The following MARCHF1 variants were observed in gnomAD, a reference collection of about 807,000 sequenced individuals.
MARCHF1 encodes membrane associated ring-CH-type finger 1.
Under a neutral mutation model 54.2 loss-of-function variants are expected in MARCHF1, and 40 were observed. The ratio of observed to expected loss-of-function variants is 0.74; its 90% CI spans 0.57 to 0.96. The LOEUF (loss-of-function observed/expected upper bound fraction) is 0.96. MARCHF1 is among the 40% of genes least tolerant of loss of function. The probability of loss-of-function intolerance (pLI) is 0.00; values close to 1 mark genes in which losing one functional copy is unlikely to be tolerated. For missense variants in MARCHF1, 586 were observed against 656.5 expected (o/e 0.89, Z 1.17); for synonymous variants, 236 against 236.3 (o/e 1.00, Z 0.01).
chr4:163,704,900 T>C (rs1458966285), intron 4 of MARCHF1, among the ~76,000 whole-genome samples: 3 of 151,372 alleles, frequency 2.0e-5, no homozygotes, highest in Non-Finnish European at 4.4e-5. Flanking sequence ...TAGATGAACT[T>C]CCCATAAGAC....
chr4:163,875,677 A>G (rs1316086902), intron 3 of MARCHF1, among the ~76,000 whole-genome samples: 1 of 152,312 alleles, frequency 6.6e-6, no homozygotes, highest in East Asian at 1.9e-4. Flanking sequence ...CCATGTTTAA[A>G]CCAAACTATA....
At chr4:164,190,374 G>T in intron 1 of MARCHF1, 1 of 533,784 alleles carries the variant, frequency 1.9e-6, no homozygotes, top group South Asian at 3.4e-5. Context: ...GTAAATACTG[G>T]ACTCAGGAAC....
At chr4:164,012,579 C>T (rs1753446631) in intron 2 of MARCHF1, among the ~76,000 whole-genome samples, 1 of 152,048 alleles carries the variant, frequency 6.6e-6, no homozygotes, top group Non-Finnish European at 1.5e-5. Context: ...GGGTGAGTCC[C>T]AGTATTTTGC....
chr4:163,613,111 A>G (rs1741401569), intron 6 of MARCHF1, 73 bp from the exon 7 acceptor site: 5 of 1,345,360 alleles, frequency 3.7e-6, no homozygotes, highest in Non-Finnish European at 4.9e-6. Context: ...GAGAGAGAGA[A>G]TGATGAAAAT....
chr4:163,908,546 G>A (rs1261723548), intron 3 of MARCHF1, among the ~76,000 whole-genome samples: 8 of 152,150 alleles, frequency 5.3e-5, no homozygotes, highest in African/African-American at 1.9e-4. Context: ...GATATATCCT[G>A]TAGGTGGACA....
intron 5 of MARCHF1, among the ~76,000 whole-genome samples, chr4:163,658,832 C>T (rs1302688898): frequency 6.6e-6 from 1 of 151,902 alleles, no homozygotes; most frequent in African/African-American, 2.4e-5. Flanking sequence ...GGAAAAATAA[C>T]TAATGTGTGC....
At chr4:163,903,310 G>C (rs527549579) in intron 3 of MARCHF1, among the ~76,000 whole-genome samples, 1 of 152,042 alleles carries the variant, frequency 6.6e-6, no homozygotes, top group Non-Finnish European at 1.5e-5. Context: ...TTCTAGTGCA[G>C]CCTTGGAAAT....
chr4:163,893,191 A>T (rs1037338492), intron 3 of MARCHF1, among the ~76,000 whole-genome samples: 1 of 151,832 alleles, frequency 6.6e-6, no homozygotes, highest in Non-Finnish European at 1.5e-5. Flanking sequence ...CCAGGCTGGG[A>T]TGCAGTGGCG....
chr4:163,576,550 A>G lies in MARCHF1; in HGVS notation c.1191+9199T>C, dbSNP rs996827280. Among the ~76,000 whole-genome samples, 13 of 152,158 alleles carry G rather than the reference A, an allele frequency of 8.5e-5. 1 individual carries two copies. Among genetic ancestry groups the G allele is most frequent in the Non-Finnish European group, 4.4e-5 (3 of 67,942 alleles). ...TGAATAGAGTGCTCTGTAGATGTCT[A>G]TTTGGTCCAATTGGTCAAGTGTCAA... is the stretch of plus-strand genomic sequence containing the variant. On this transcript the variant is annotated intron_variant, in intron 8 of 9. Transcript: ENST00000514618.
chr4:164,054,832 G>T, intron 2 of MARCHF1, among the ~76,000 whole-genome samples: 1 of 149,664 alleles, frequency 6.7e-6, no homozygotes, highest in African/African-American at 2.5e-5. Flanking sequence ...AATGCTAGAT[G>T]ACGAGTTAGT....
intron 8 of MARCHF1, among the ~76,000 whole-genome samples, chr4:163,557,402 A>G (rs753682016): frequency 2.0e-5 from 3 of 152,212 alleles, no homozygotes; most frequent in Non-Finnish European, 4.4e-5. Flanking sequence ...AACCAAAGAA[A>G]GCTTCAGGGG....
chr4:163,644,105 G>T (rs1742664546), intron 5 of MARCHF1, among the ~76,000 whole-genome samples: 1 of 151,818 alleles, frequency 6.6e-6, no homozygotes, highest in Non-Finnish European at 1.5e-5. Flanking sequence ...TTACGTATTT[G>T]TTCATGCCAT....
At chr4:163,938,267 T>G (rs1390744278) in intron 3 of MARCHF1, among the ~76,000 whole-genome samples, 11 of 152,130 alleles carry the variant, frequency 7.2e-5, no homozygotes. Flanking sequence ...ATACAAAGCT[T>G]TGGGGCACAA....
intron 4 of MARCHF1, among the ~76,000 whole-genome samples, chr4:163,788,093 T>C (rs1360225221): frequency 3.3e-5 from 5 of 151,948 alleles, no homozygotes; most frequent in Non-Finnish European, 7.4e-5. Flanking sequence ...TAGAGTTTAA[T>C]GGGAATAGAT....
chr4:164,362,948 TA>T (rs1730770049), intron 1 of MARCHF1, among the ~76,000 whole-genome samples: 1 of 152,060 alleles, frequency 6.6e-6, no homozygotes, highest in African/African-American at 2.4e-5. Context: ...TCACAATGTC[TA>T]AAAAAATACT....
intron 1 of MARCHF1, among the ~76,000 whole-genome samples, chr4:164,319,450 C>G (rs2110754193): frequency 6.6e-6 from 1 of 152,212 alleles, no homozygotes; most frequent in South Asian, 2.1e-4. Flanking sequence ...CAGAATGTTG[C>G]CTTTACCTGA....
chr4:163,778,391 T>C (rs192902682), intron 4 of MARCHF1, among the ~76,000 whole-genome samples: 159 of 152,316 alleles, frequency 1.0e-3, no homozygotes, highest in African/African-American at 3.7e-3. Flanking sequence ...TTTTGAATTT[T>C]AGCCATTCTA....
At chr4:163,744,122 T>G (rs1347237747) in intron 4 of MARCHF1, among the ~76,000 whole-genome samples, 1 of 152,236 alleles carries the variant, frequency 6.6e-6, no homozygotes, top group East Asian at 1.9e-4. Flanking sequence ...TCAAAGTGAC[T>G]GCATTCAACT....
chr4:163,655,431 A>G (rs1199544411), intron 5 of MARCHF1, among the ~76,000 whole-genome samples: 1 of 151,708 alleles, frequency 6.6e-6, no homozygotes, highest in African/African-American at 2.4e-5. Flanking sequence ...CCTACAAAGA[A>G]ACGTAGACTC....
Sources: allele counts gnomAD v4.1 joint callset (sites outside exome capture counted in the v4.1 genomes callset), GRCh38; gene constraint gnomAD v4.1.1; transcripts MANE v1.5; gene names NCBI Gene and HGNC (gene_info 2026-07-23, HGNC 2026-07-21).